The following INPP4B variants were observed in gnomAD, a reference collection of about 807,000 sequenced individuals.
INPP4B encodes the protein inositol polyphosphate 4-phosphatase type II.
A neutral mutation model predicts 122.5 loss-of-function variants in INPP4B; 55 were observed. The ratio of observed to expected loss-of-function variants is 0.45; its 90% CI spans 0.36 to 0.56. The LOEUF (loss-of-function observed/expected upper bound fraction) is 0.56, where lower values mean the gene tolerates loss of function less well. INPP4B is among the 20% of genes least tolerant of loss of function. INPP4B has a pLI of 0.00. For missense variants in INPP4B, 1,000 were observed against 1,097.7 expected (o/e 0.91, Z 1.26); for synonymous variants, 403 against 388.7 (o/e 1.04, Z -0.43).
intron 2 of INPP4B, among the ~76,000 whole-genome samples, chr4:142,650,359 C>G (rs543116319): frequency 4.6e-5 from 7 of 152,130 alleles, no homozygotes; most frequent in Non-Finnish European, 7.4e-5. Context: ...CAAATTCACA[C>G]ATAACAATAT....
intron 2 of INPP4B, among the ~76,000 whole-genome samples, chr4:142,483,874 G>T (rs1375714445): frequency 6.6e-6 from 1 of 152,018 alleles, no homozygotes; most frequent in Non-Finnish European, 1.5e-5. Context: ...GAAAGAGGTG[G>T]ATGGAATCTG....
At chr4:142,582,033 A>T (rs1735191357) in intron 2 of INPP4B, among the ~76,000 whole-genome samples, 1 of 152,214 alleles carries the variant, frequency 6.6e-6, no homozygotes, top group South Asian at 2.1e-4. Context: ...CTGCTGTATT[A>T]GCTAGCAATT....
intron 2 of INPP4B, among the ~76,000 whole-genome samples, chr4:142,604,840 T>C (rs1740874935): frequency 2.6e-5 from 4 of 152,022 alleles, no homozygotes; most frequent in Admixed American, 2.6e-4. Flanking sequence ...AACACCAATG[T>C]CATTTTTCAC....
intron 1 of INPP4B, among the ~76,000 whole-genome samples, chr4:142,778,493 G>T (rs1774278335): frequency 6.6e-6 from 1 of 152,074 alleles, no homozygotes; most frequent in African/African-American, 2.4e-5. Flanking sequence ...AACATCTCAA[G>T]GTTTTCCAAC....
rs752127586 is a variant in INPP4B at position 142,088,654 on chromosome 4, A to G, written c.2375-2398T>C. On this transcript the variant is annotated intron_variant, in intron 23 of 25. Coordinates refer to ENST00000262992, the MANE Select transcript of INPP4B (RefSeq NM_001101669.3). Reference sequence around the variant, plus strand: ...AGTGTAATGCTTCAACTGCCTTTTCATATCATTTTAAATGAACACATATTG... The same window carrying G: ...AGTGTAATGCTTCAACTGCCTTTTCGTATCATTTTAAATGAACACATATTG... Among the ~76,000 whole-genome samples, 3 of 152,304 alleles carry G rather than the reference A, an allele frequency of 2.0e-5. No individual in the cohort carries two copies. In the South Asian group the frequency reaches 6.2e-4, roughly 32 times the overall value.
chr4:142,684,220 G>C (rs551887243), intron 2 of INPP4B, among the ~76,000 whole-genome samples: 1 of 152,126 alleles, frequency 6.6e-6, no homozygotes, highest in East Asian at 1.9e-4. Context: ...CCAGTATTTA[G>C]GTTTGCCAAG....
chr4:142,493,144 T>C (rs1389494007), intron 2 of INPP4B, among the ~76,000 whole-genome samples: 2 of 152,128 alleles, frequency 1.3e-5, no homozygotes, highest in Non-Finnish European at 2.9e-5. Flanking sequence ...AAGTCAAGAA[T>C]TGAGATTTGG....
At chr4:142,827,936 G>A (rs1356202423) in intron 1 of INPP4B, among the ~76,000 whole-genome samples, 1 of 152,122 alleles carries the variant, frequency 6.6e-6, no homozygotes, top group Admixed American at 6.6e-5. Flanking sequence ...ATTTGTAAGT[G>A]TAAGGTGATA....
At chr4:142,137,468 G>A (rs1805108702) in intron 18 of INPP4B, among the ~76,000 whole-genome samples, 1 of 68,930 alleles carries the variant, frequency 1.5e-5, no homozygotes, top group African/African-American at 3.1e-5. Flanking sequence ...TCAGGACATA[G>A]GCATGGGCAA....
At chr4:142,372,833 A>G (rs1292927955) in intron 7 of INPP4B, among the ~76,000 whole-genome samples, 1 of 151,986 alleles carries the variant, frequency 6.6e-6, no homozygotes, top group African/African-American at 2.4e-5. Flanking sequence ...CTGGAAGTCA[A>G]ACTAAAGCAT....
intron 16 of INPP4B, among the ~76,000 whole-genome samples, chr4:142,161,079 C>T (rs1819867724): frequency 6.6e-6 from 1 of 151,898 alleles, no homozygotes; most frequent in Admixed American, 6.6e-5. Context: ...AAACAGATCT[C>T]AACAATAGTA....
At chr4:142,546,328 A>G (rs1267677191) in intron 2 of INPP4B, among the ~76,000 whole-genome samples, 1 of 152,130 alleles carries the variant, frequency 6.6e-6, no homozygotes, top group East Asian at 1.9e-4. Flanking sequence ...TACTTTATTC[A>G]GTCTATCATT....
chr4:142,065,582 T>C (rs773471593), intron 25 of INPP4B, among the ~76,000 whole-genome samples: 1 of 152,156 alleles, frequency 6.6e-6, no homozygotes, highest in Non-Finnish European at 1.5e-5. Flanking sequence ...TTATGCTAAA[T>C]GAAAGAGAGC....
intron 2 of INPP4B, among the ~76,000 whole-genome samples, chr4:142,536,748 T>C (rs1194298571): frequency 1.3e-5 from 2 of 152,110 alleles, no homozygotes; most frequent in African/African-American, 2.4e-5. Flanking sequence ...TCAATGAACT[T>C]GACTCTAAAC....
chr4:142,698,450 T>A (rs538041756), intron 2 of INPP4B, among the ~76,000 whole-genome samples: 3 of 152,272 alleles, frequency 2.0e-5, no homozygotes, highest in South Asian at 2.1e-4. Flanking sequence ...CTCCACTTTA[T>A]TAGGACTATT....
chr4:142,412,255 T>C (rs1025067082), intron 5 of INPP4B, among the ~76,000 whole-genome samples: 1 of 152,180 alleles, frequency 6.6e-6, no homozygotes, highest in Non-Finnish European at 1.5e-5. Context: ...TTAAAAGATA[T>C]ATAGAGCACT....
chr4:142,114,596 A>T (rs1792015159), intron 21 of INPP4B, among the ~76,000 whole-genome samples: 1 of 152,084 alleles, frequency 6.6e-6, no homozygotes, highest in Admixed American at 6.6e-5. Flanking sequence ...CTTTTTGCCC[A>T]TATTTAAATT....
intron 2 of INPP4B, among the ~76,000 whole-genome samples, chr4:142,519,548 C>G (rs930896405): frequency 6.6e-6 from 1 of 152,124 alleles, no homozygotes; most frequent in Non-Finnish European, 1.5e-5. Context: ...AGAGGGACAT[C>G]TGCCTGAAAT....
intron 2 of INPP4B, among the ~76,000 whole-genome samples, chr4:142,653,924 T>C (rs1364860967): frequency 3.3e-5 from 5 of 152,192 alleles, no homozygotes; most frequent in Non-Finnish European, 1.5e-5. Flanking sequence ...TGCACACATA[T>C]GTTTACTGTG....
Sources: allele counts gnomAD v4.1 joint callset (sites outside exome capture counted in the v4.1 genomes callset), GRCh38; gene constraint gnomAD v4.1.1; transcripts MANE v1.5; gene names NCBI Gene and HGNC (gene_info 2026-07-23, HGNC 2026-07-21).